Variants in HUNK observed in about 807,000 individuals in gnomAD.
HUNK encodes hormonally up-regulated neu tumor-associated kinase.
HUNK carries 21 observed loss-of-function variants against 61.0 expected under a neutral mutation model. The observed-to-expected ratio is 0.34, with a 90% CI of 0.24 to 0.50. The LOEUF (loss-of-function observed/expected upper bound fraction) is 0.50. Ranked by LOEUF, HUNK falls within the 20% of genes least tolerant of loss-of-function variation. The pLI is 0.98. For synonymous variants in HUNK, 371 were observed against 386.1 expected, an observed-to-expected ratio of 0.96 and a Z score of 0.46; for missense variants, 772 against 945.7, an observed-to-expected ratio of 0.82 and a Z score of 2.41.
chr21:31,983,495 G>A (rs1337944332), intron 7 of HUNK, 31 bp from the exon 8 acceptor site: 2 of 1,535,476 alleles, frequency 1.3e-6, no homozygotes, highest in African/African-American at 1.4e-5. Flanking sequence ...TCTGAGAGTT[G>A]AGCTGTGCTT....
intron 5 of HUNK, among the ~76,000 whole-genome samples, chr21:31,963,704 C>G (rs1372820874): frequency 6.6e-6 from 1 of 152,110 alleles, no homozygotes; most frequent in Non-Finnish European, 1.5e-5. Context: ...GAGAGAGGGT[C>G]TCCCTATGTT....
rs182491125 is a variant in HUNK at position 31,954,284 on chromosome 21, C to T, written c.747-4559C>T. Among the ~76,000 whole-genome samples, 48 of 152,272 alleles carry T rather than the reference C, an allele frequency of 3.2e-4. No homozygotes were observed. In the East Asian group the frequency reaches 7.1e-3, roughly 23 times the overall value. ...AAAGATTAAAGGGAATATAAAAGGT[C>T]GTAGAGCAGTGGTCTGCACATTTGA... is the stretch of plus-strand genomic sequence containing the variant. On this transcript the variant is annotated intron_variant, in intron 4 of 10. Coordinates refer to ENST00000270112, the MANE Select transcript of HUNK (RefSeq NM_014586.2).
intron 9 of HUNK, among the ~76,000 whole-genome samples, chr21:31,991,181 A>G (rs2053169844): frequency 6.6e-6 from 1 of 152,044 alleles, no homozygotes; most frequent in African/African-American, 2.4e-5. Flanking sequence ...GCAGCTATCT[A>G]GAGCTTCCTG....
At chr21:31,888,225 C>T (rs992183620) in intron 1 of HUNK, among the ~76,000 whole-genome samples, 8 of 152,144 alleles carry the variant, frequency 5.3e-5, no homozygotes, top group Non-Finnish European at 1.2e-4. Flanking sequence ...GGAGTCCAAA[C>T]TGCAGGTTTC....
intron 8 of HUNK, among the ~76,000 whole-genome samples, chr21:31,986,871 ATCT>A (rs2053137063): frequency 6.6e-6 from 1 of 151,960 alleles, no homozygotes; most frequent in African/African-American, 2.4e-5. Context: ...TATCGATCCT[ATCT>A]GCCTACCACG....
chr21:31,934,195 C>T (rs536252045), intron 2 of HUNK, among the ~76,000 whole-genome samples: 10 of 152,084 alleles, frequency 6.6e-5, no homozygotes, highest in African/African-American at 2.4e-4. Context: ...GTGGCTCACT[C>T]CTGTAATCCC....
In HUNK at chr21:32,003,691, C is replaced by A. The variant is rs2053260290; in HGVS notation, c.*4507C>A. ...TTTTCTGTTAAGGGAGCTTTCCAGA[C>A]ATCTGGTTGCAAAGACAAATAGGAT... On this transcript the variant is annotated 3_prime_UTR_variant, in exon 11 of 11. Transcript: ENST00000270112. The A allele has an allele frequency of 6.6e-6, 1 of 152,110 alleles. No individual in the cohort carries two copies. The highest frequency in any genetic ancestry group is 1.5e-5 in the Non-Finnish European group (1 of 68,030). 9.4% of individuals were successfully genotyped at this position (152,110 alleles called of 1,614,324 possible). A position where few individuals can be genotyped will look rare whatever the true frequency, so the allele number is the denominator to read the frequency against.
intron 1 of HUNK, among the ~76,000 whole-genome samples, chr21:31,890,741 C>T (rs1488471281): frequency 6.6e-6 from 1 of 152,148 alleles, no homozygotes; most frequent in Admixed American, 6.5e-5. Flanking sequence ...GACATATTGC[C>T]ACATTGCACT....
intron 8 of HUNK, 33 bp downstream of exon 8, chr21:31,983,642 CTT>C (rs749945263): frequency 6.8e-7 from 1 of 1,461,488 alleles, no homozygotes; most frequent in Non-Finnish European, 9.5e-7. Context: ...CTCAGGGTCT[CTT>C]AGGAAGGGTG....
chr21:31,915,054 A>ATTTTTTTTTT (rs5843533), intron 1 of HUNK, among the ~76,000 whole-genome samples: 2 of 146,656 alleles, frequency 1.4e-5, no homozygotes, highest in Non-Finnish European at 1.5e-5. Flanking sequence ...TAGATTTGGG[A>ATTTTTTTTTT]TTTTTTTTTT....
At chr21:31,912,709 G>GT (rs2052555242) in intron 1 of HUNK, among the ~76,000 whole-genome samples, 1 of 152,036 alleles carries the variant, frequency 6.6e-6, no homozygotes, top group African/African-American at 2.4e-5. Context: ...AGCTGGCTAA[G>GT]TTTTTGTATT....
chr21:31,938,311 G>C (rs1214936185), intron 2 of HUNK, among the ~76,000 whole-genome samples: 1 of 148,312 alleles, frequency 6.7e-6, no homozygotes, highest in Admixed American at 6.6e-5. Context: ...TCCTTTCAAG[G>C]CTTCAGCATC....
intron 7 of HUNK, among the ~76,000 whole-genome samples, chr21:31,980,504 G>A (rs747359219): frequency 9.9e-5 from 15 of 151,882 alleles, no homozygotes; most frequent in Non-Finnish European, 1.9e-4. Context: ...AGCCTCCTGA[G>A]TAGCTGGGAT....
At chr21:31,968,465 C>T in intron 6 of HUNK, 80 bp downstream of exon 6, 2 of 1,546,794 alleles carry the variant, frequency 1.3e-6, no homozygotes, top group Non-Finnish European at 1.8e-6. Flanking sequence ...GGACAGAAAG[C>T]TGTCCGTGAT....
At chr21:31,907,003 C>T (rs972708871) in intron 1 of HUNK, among the ~76,000 whole-genome samples, 6 of 152,012 alleles carry the variant, frequency 3.9e-5, no homozygotes, top group Non-Finnish European at 7.4e-5. Flanking sequence ...GGTGAAGCTC[C>T]GGCTCTACTA....
In HUNK at chr21:31,946,226, T is replaced by A. The variant is rs111614390; in HGVS notation, c.746+55T>A. The A allele has an allele frequency of 2.3e-4, 365 of 1,557,206 alleles. 4 individuals are homozygous for A. In the African/African-American group the frequency reaches 4.0e-3, roughly 17 times the overall value. ...TTCCTCCTGCTGTCTCCACCGTGCC[T>A]TCCTTATGAAATCATGCCTGAGTAT... On this transcript the variant is annotated intron_variant, in intron 4 of 10. Transcript: ENST00000270112.
intron 1 of HUNK, 106 bp downstream of exon 1, chr21:31,874,041 A>G: frequency 1.2e-6 from 1 of 851,676 alleles, no homozygotes; most frequent in East Asian, 3.4e-5. Context: ...GTCCCGGGCC[A>G]AGCGCCTTCC....
Position 31,996,001 on chromosome 21 carries a change from G to A in HUNK, c.1486+53G>A, listed in dbSNP as rs566593564. 68 of 1,356,340 alleles carry A rather than the reference G, an allele frequency of 5.0e-5. 2 individuals are homozygous for A. In the East Asian group the frequency reaches 6.3e-4, roughly 13 times the overall value. The allele number at this position is 1,356,340 out of a possible 1,614,324, so 84.0% of individuals were successfully genotyped here. ...GCCACTCGTGTTGGGCTGTGTGTCC[G>A]CTGTGTAGCCCTCACAGGGGATGGT... On this transcript the variant is annotated intron_variant, in intron 10 of 10. Transcript: ENST00000270112.
intron 1 of HUNK, among the ~76,000 whole-genome samples, chr21:31,887,956 A>G (rs1253844676): frequency 1.3e-5 from 2 of 152,178 alleles, no homozygotes; most frequent in Non-Finnish European, 2.9e-5. Flanking sequence ...CATACTGATC[A>G]CGAAAATAAT....
Sources: allele counts gnomAD v4.1 joint callset (sites outside exome capture counted in the v4.1 genomes callset), GRCh38; gene constraint gnomAD v4.1.1; transcripts MANE v1.5; gene names NCBI Gene and HGNC (gene_info 2026-07-23, HGNC 2026-07-21).